SPATA13: variants seen among roughly 807,000 people sequenced by gnomAD.
SPATA13 encodes spermatogenesis associated 13.
In SPATA13, 50 loss-of-function variants were observed where a neutral mutation model predicts 104.0. The observed-to-expected ratio is 0.48, with a 90% CI of 0.38 to 0.61. The LOEUF is 0.61. Among genes scored for constraint, SPATA13 ranks in the 20% least tolerant of loss-of-function variants. The probability of loss-of-function intolerance (pLI) is 0.00; values close to 1 mark genes in which losing one functional copy is unlikely to be tolerated. For missense variants in SPATA13, 1,524 were observed against 1,690.6 expected (o/e 0.90, Z 1.73); for synonymous variants, 606 against 667.5 (o/e 0.91, Z 1.42).
chr13:24,198,327 G>A (rs1262166911), intron 1 of SPATA13, among the ~76,000 whole-genome samples: 2 of 152,118 alleles, frequency 1.3e-5, no homozygotes, highest in Admixed American at 6.5e-5. Flanking sequence ...TGGACTAAAT[G>A]TCAGGTCCTC....
At chr13:24,158,188 G>A (rs1882319474), upstream of SPATA13, among the ~76,000 whole-genome samples, 1 of 152,218 alleles carries the variant, frequency 6.6e-6, no homozygotes, top group Admixed American at 6.5e-5. Context: ...TCCAGTTAGA[G>A]TCTTGAGTAC....
rs181451789 is a variant in SPATA13 at position 24,193,735 on chromosome 13, T to A, written c.-111-29084T>A. Among the ~76,000 whole-genome samples, 3 of 152,302 alleles carry A rather than the reference T, an allele frequency of 2.0e-5. No homozygotes were observed. The East Asian group carries it at 5.8e-4, about 29-fold the overall frequency. On this transcript the variant is annotated intron_variant, in intron 1 of 12. Transcript: ENST00000382108. ...CTTTAGCAAATATCAGAGGAGCAGG[T>A]CTTCTTCTGGAGGAAGAAGTAGGGT...
intron 3 of SPATA13, among the ~76,000 whole-genome samples, chr13:24,040,219 G>A (rs1342632501): frequency 6.6e-6 from 1 of 152,208 alleles, no homozygotes; most frequent in Admixed American, 6.5e-5. Flanking sequence ...CAGGGTTCTG[G>A]CCTGGGGAGG....
chr13:24,075,661 A>G (rs1879301802), intron 3 of SPATA13, among the ~76,000 whole-genome samples: 1 of 152,222 alleles, frequency 6.6e-6, no homozygotes, highest in Non-Finnish European at 1.5e-5. Flanking sequence ...AAAGTTAAGT[A>G]TTTAGTTCAA....
At chr13:24,282,007 C>G in intron 4 of SPATA13, among the ~76,000 whole-genome samples, 1 of 152,182 alleles carries the variant, frequency 6.6e-6, no homozygotes, top group South Asian at 2.1e-4. Context: ...TGATTACCCC[C>G]ATTATTGTGG....
chr13:24,166,871 A>T (rs1489746580), intron 1 of SPATA13, among the ~76,000 whole-genome samples: 1 of 152,252 alleles, frequency 6.6e-6, no homozygotes, highest in Admixed American at 6.5e-5. Context: ...TGATTTAATC[A>T]GTTCCAAAAG....
At chr13:24,239,675 T>C (rs1042982863) in intron 2 of SPATA13, among the ~76,000 whole-genome samples, 4 of 106,142 alleles carry the variant, frequency 3.8e-5, no homozygotes, top group Non-Finnish European at 6.9e-5. Flanking sequence ...AGCCTGGGTG[T>C]CGGATAGAGA....
chr13:24,271,365 A>G (rs1290914896), intron 4 of SPATA13, among the ~76,000 whole-genome samples: 2 of 152,136 alleles, frequency 1.3e-5, no homozygotes, highest in African/African-American at 4.8e-5. Flanking sequence ...TGGTGTGTAT[A>G]AGAATGTTTC....
intron 3 of SPATA13, among the ~76,000 whole-genome samples, chr13:24,125,810 G>C (rs1459153810): frequency 1.3e-5 from 2 of 152,210 alleles, no homozygotes; most frequent in Admixed American, 1.3e-4. Context: ...AGGAAGCCTA[G>C]TGCTGTTGTT....
chr13:24,264,618 C>T (rs1459164038), intron 4 of SPATA13, among the ~76,000 whole-genome samples: 1 of 152,180 alleles, frequency 6.6e-6, no homozygotes, highest in Non-Finnish European at 1.5e-5. Context: ...AGACCATGTC[C>T]CAATAATTGC....
At chr13:24,082,955 T>C (rs1408894297) in intron 3 of SPATA13, among the ~76,000 whole-genome samples, 2 of 151,208 alleles carry the variant, frequency 1.3e-5, no homozygotes, top group Non-Finnish European at 2.9e-5. Flanking sequence ...TTTATAAGAG[T>C]AGTATTTTTT....
At chr13:24,287,007 C>G (rs1876001142) in intron 7 of SPATA13, 57 bp downstream of exon 7, 2 of 1,505,892 alleles carry the variant, frequency 1.3e-6, no homozygotes, top group Non-Finnish European at 1.8e-6. Flanking sequence ...GCATGAGGTG[C>G]CTGGGCTTTC....
At chr13:24,225,108 G>A (rs1358530818) in intron 2 of SPATA13, among the ~76,000 whole-genome samples, 1 of 152,222 alleles carries the variant, frequency 6.6e-6, no homozygotes, top group Non-Finnish European at 1.5e-5. Flanking sequence ...TTTTGCTCGT[G>A]CCCACTAGCC....
At chr13:23,992,516 G>A (rs897578759) in intron 2 of SPATA13, among the ~76,000 whole-genome samples, 1 of 152,144 alleles carries the variant, frequency 6.6e-6, no homozygotes, top group Non-Finnish European at 1.5e-5. Context: ...AGGGATCTAG[G>A]CTAATGAAGG....
intron 2 of SPATA13, among the ~76,000 whole-genome samples, chr13:24,009,650 T>C: frequency 6.6e-6 from 1 of 152,196 alleles, no homozygotes; most frequent in East Asian, 1.9e-4. Context: ...AGACCTAGAA[T>C]CAATAGAAAG....
At chr13:24,116,042 C>T (rs745975631) in intron 3 of SPATA13, among the ~76,000 whole-genome samples, 1 of 152,208 alleles carries the variant, frequency 6.6e-6, no homozygotes, top group Non-Finnish European at 1.5e-5. Flanking sequence ...TTTTGGGGTT[C>T]CAGGTCAGCT....
intron 1 of SPATA13, among the ~76,000 whole-genome samples, chr13:24,180,375 C>G (rs1868722692): frequency 6.6e-6 from 1 of 152,184 alleles, no homozygotes; most frequent in East Asian, 1.9e-4. Context: ...GTGCTAGTAC[C>G]ACACTGTCTT....
intron 12 of SPATA13, among the ~76,000 whole-genome samples, chr13:24,302,087 G>T (rs1877224415): frequency 6.6e-6 from 1 of 152,132 alleles, no homozygotes; most frequent in Non-Finnish European, 1.5e-5. Context: ...TTGACTGTCA[G>T]TCTGGTTCAG....
intron 1 of SPATA13, among the ~76,000 whole-genome samples, chr13:24,202,205 C>G (rs557467907): frequency 6.6e-6 from 1 of 151,960 alleles, no homozygotes; most frequent in Non-Finnish European, 1.5e-5. Context: ...GATATATTAC[C>G]TTGTTGTGTG....
Sources: allele counts gnomAD v4.1 joint callset (sites outside exome capture counted in the v4.1 genomes callset), GRCh38; gene constraint gnomAD v4.1.1; transcripts MANE v1.5; gene names NCBI Gene and HGNC (gene_info 2026-07-23, HGNC 2026-07-21).